The following RUBCN variants were observed in gnomAD, a reference collection of about 807,000 sequenced individuals.
RUBCN encodes the protein rubicon autophagy regulator.
In RUBCN, 74 loss-of-function variants were observed where a neutral mutation model predicts 113.2. The ratio of observed to expected loss-of-function variants is 0.65; its 90% confidence interval spans 0.54 to 0.79. The LOEUF (loss-of-function observed/expected upper bound fraction) is 0.79. Ranked by LOEUF, RUBCN falls within the 30% of genes least tolerant of loss-of-function variation. The pLI, the probability that RUBCN is intolerant of heterozygous loss-of-function variation, is 0.00. For missense variants in RUBCN, 1,109 were observed against 1,251.7 expected (o/e 0.89, Z 1.72); for synonymous variants, 480 against 490.0 (o/e 0.98, Z 0.27).
intron 2 of RUBCN, 119 bp downstream of exon 2, chr3:197,717,858 A>T: frequency 9.4e-7 from 1 of 1,060,090 alleles, no homozygotes; most frequent in Non-Finnish European, 1.4e-6. Context: ...AAATGAATTA[A>T]GTCACAGCTG....
rs58689965 is a variant in RUBCN at position 197,676,432 on chromosome 3, G to C, written c.2646+453C>G. The C allele has an allele frequency of 0.01, 7,015 of 686,636 alleles. 417 individuals carry two copies. The African/African-American group carries it at 0.13, about 12-fold the overall frequency. The allele number at this position is 686,636 out of a possible 1,614,324, so 42.5% of individuals were successfully genotyped here. On this transcript the variant is annotated intron_variant, in intron 18 of 19. Transcript: ENST00000296343. Reference sequence around the variant, plus strand: ...GGATTCAAGCAATTCTCCTGCCTCAGCCTCCCGAGTAGCTGGGATTACAGG... The same window carrying C: ...GGATTCAAGCAATTCTCCTGCCTCACCCTCCCGAGTAGCTGGGATTACAGG...
In RUBCN at chr3:197,681,959, TGAA is replaced by T; in HGVS notation, c.2127-63_2127-61del. On this transcript the variant is annotated intron_variant, in intron 14 of 19. Coordinates refer to ENST00000296343, the MANE Select transcript of RUBCN (RefSeq NM_014687.4). The surrounding 1 kb of genome is among the most constrained non-coding windows in gnomAD (Gnocchi z 5.5). Reference sequence around the variant, plus strand: ...GCAGCTGCGTGAGACCTTGGAGGTGTGAAGGAGTGAGCACACATACATACAGCT... The same window carrying T: ...GCAGCTGCGTGAGACCTTGGAGGTGTGGAGTGAGCACACATACATACAGCT... 7.7e-7 allele frequency: 1 copy of T among 1,296,246 alleles called. No homozygotes were observed. 80.3% of individuals were successfully genotyped at this position (1,296,246 alleles called of 1,614,324 possible). A position where few individuals can be genotyped will look rare whatever the true frequency, so the allele number is the denominator to read the frequency against.
chr3:197,744,897 G>A (rs368404694), intron 1 of RUBCN, among the ~76,000 whole-genome samples: 28 of 152,030 alleles, frequency 1.8e-4, no homozygotes, highest in Admixed American at 3.3e-4. Context: ...TCAGATTATC[G>A]TAGTGTTTTC....
rs1253559507 is a variant in RUBCN, at chr3:197,718,001, G to A, written c.195C>T (p.Leu65=). The change falls in exon 2 of 20, where the codon CTC becomes CTT. Residue 65 remains leucine, a synonymous_variant. Transcript: ENST00000296343. The part of the protein sequence containing the change: ...ERLCRDMQSI[L]YHGLIRDQAC... ...CCTGGTCACGGATAAGCCCGTGATA[G>A]AGGATGCTCTGCATGTCCCTGCAAA... 2.5e-6 allele frequency: 4 copies of A among 1,614,098 alleles called. No individual in the cohort carries two copies. The Admixed American group carries it at 5.0e-5, about 20-fold the overall frequency.
chr3:197,703,200 C>T (rs571760415), intron 5 of RUBCN, among the ~76,000 whole-genome samples: 7 of 151,686 alleles, frequency 4.6e-5, no homozygotes, highest in East Asian at 1.9e-4. Flanking sequence ...AGATCGAGAC[C>T]GTCCTGGCCA....
In RUBCN at chr3:197,674,851, T is replaced by C. The variant is rs1720154204; in HGVS notation, c.*167A>G. 1 of 580,632 alleles carries C rather than the reference T, an allele frequency of 1.7e-6. No homozygotes were observed. Among genetic ancestry groups the C allele is most frequent in the Non-Finnish European group, 2.8e-6 (1 of 353,786 alleles). The allele number at this position is 580,632 out of a possible 1,614,324, so 36.0% of individuals were successfully genotyped here. ...CTGGACCCATCAACCTGCCGACGGC[T>C]GACTGCACACAGACGTCAGACAAGT... On this transcript the variant is annotated 3_prime_UTR_variant, in exon 20 of 20. Coordinates refer to ENST00000296343, the MANE Select transcript of RUBCN (RefSeq NM_014687.4).
At chr3:197,734,964 A>G (rs1727953454) in intron 1 of RUBCN, among the ~76,000 whole-genome samples, 1 of 152,256 alleles carries the variant, frequency 6.6e-6, no homozygotes, top group Non-Finnish European at 1.5e-5. Flanking sequence ...CACCCTTAAA[A>G]ATAGCAAGTC....
intron 16 of RUBCN, among the ~76,000 whole-genome samples, chr3:197,678,073 T>A (rs371797679): frequency 7.8e-4 from 102 of 130,616 alleles, no homozygotes; most frequent in Non-Finnish European, 7.7e-4. Context: ...ACCTGGCTTC[T>A]GACTGTCCCA....
At chr3:197,690,800 G>C (rs1722339930) in intron 11 of RUBCN, among the ~76,000 whole-genome samples, 1 of 152,152 alleles carries the variant, frequency 6.6e-6, no homozygotes, top group African/African-American at 2.4e-5. Flanking sequence ...CAGTCACAAT[G>C]GCCACTAAAT....
At chr3:197,725,520 C>CTTTTTTTTTTTTTTTTTT (rs10718685) in intron 1 of RUBCN, among the ~76,000 whole-genome samples, 1 of 75,316 alleles carries the variant, frequency 1.3e-5, no homozygotes, top group Non-Finnish European at 2.4e-5. Context: ...ACAGGAGAAT[C>CTTTTTTTTTTTTTTTTTT]TTTTTTTTTT....
In RUBCN at chr3:197,683,866, C is replaced by A. The variant is rs1721538288; in HGVS notation, c.1847+291G>T. Among the ~76,000 whole-genome samples the A allele has an allele frequency of 6.6e-6, 1 of 152,156 alleles. No individual in the cohort carries two copies. Among genetic ancestry groups the A allele is most frequent in the Non-Finnish European group, 1.5e-5 (1 of 68,024 alleles). ...TTCAATTTGATTTCATAACCAAAAA[C>A]CATCATCACTGCTCTCTTTTGAGAC... On this transcript the variant is annotated intron_variant, in intron 12 of 19. Coordinates refer to ENST00000296343, the MANE Select transcript of RUBCN (RefSeq NM_014687.4). The surrounding 1 kb of genome is among the most constrained non-coding windows in gnomAD (Gnocchi z 4.6).
rs1720461239 is a variant in RUBCN, at chr3:197,676,613, A to G, written c.2646+272T>C. The stretch of plus-strand genomic sequence containing the variant: ...GAGGCCTAAGCCACCGTGCCTGGCC[A>G]ACACTTCTTGAGTGAAAGTCTACTC... On this transcript the variant is annotated intron_variant, in intron 18 of 19. Coordinates refer to ENST00000296343, the MANE Select transcript of RUBCN (RefSeq NM_014687.4). 2.3e-6 allele frequency: 3 copies of G among 1,332,304 alleles called. No homozygotes were observed. The East Asian group carries it at 9.9e-5, about 44-fold the overall frequency. 82.5% of individuals were successfully genotyped at this position (1,332,304 alleles called of 1,614,324 possible). A position where few individuals can be genotyped will look rare whatever the true frequency, so the allele number is the denominator to read the frequency against.
chr3:197,691,059 T>G (rs1239117244), intron 11 of RUBCN: 1 of 1,281,778 alleles, frequency 7.8e-7, no homozygotes, highest in Admixed American at 2.3e-5. Context: ...CATCCACGCT[T>G]GCAAAGTAGG....
chr3:197,733,166 C>T (rs952038260), intron 1 of RUBCN, among the ~76,000 whole-genome samples: 2 of 152,154 alleles, frequency 1.3e-5, no homozygotes, highest in Non-Finnish European at 2.9e-5. Flanking sequence ...AAAGTTTCAT[C>T]CTTCATTTTT....
chr3:197,736,524 A>G (rs957617103), intron 1 of RUBCN, 131 bp downstream of exon 1: 6 of 818,318 alleles, frequency 7.3e-6, no homozygotes, highest in Non-Finnish European at 1.2e-5. Flanking sequence ...CTTCCCAAAC[A>G]AGTCCTCCGC....
At chr3:197,722,113 C>A (rs1248796088) in intron 1 of RUBCN, among the ~76,000 whole-genome samples, 1 of 151,736 alleles carries the variant, frequency 6.6e-6, no homozygotes, top group East Asian at 1.9e-4. Context: ...TGTGGTGGTG[C>A]GTGCATGTAA....
chr3:197,708,438 T>C (rs1352736497), intron 2 of RUBCN, among the ~76,000 whole-genome samples: 1 of 151,174 alleles, frequency 6.6e-6, no homozygotes, highest in Non-Finnish European at 1.5e-5. Context: ...ACCCGGCCTA[T>C]ATGTAAACAA....
chr3:197,727,787 C>A (rs1324047312), intron 1 of RUBCN, among the ~76,000 whole-genome samples: 1 of 152,218 alleles, frequency 6.6e-6, no homozygotes, highest in Non-Finnish European at 1.5e-5. Context: ...AGGCTGATTT[C>A]ATGAGACATA....
In RUBCN at chr3:197,674,536, A is replaced by G. The variant is rs780531491; in HGVS notation, c.*482T>C. 1.9e-6 allele frequency: 1 copy of G among 519,050 alleles called. No homozygotes were observed. Among genetic ancestry groups the G allele is most frequent in the Non-Finnish European group, 4.0e-6 (1 of 252,716 alleles). 32.2% of individuals were successfully genotyped at this position (519,050 alleles called of 1,614,324 possible). A position where few individuals can be genotyped will look rare whatever the true frequency, so the allele number is the denominator to read the frequency against. On this transcript the variant is annotated 3_prime_UTR_variant, in exon 20 of 20. Coordinates refer to ENST00000296343, the MANE Select transcript of RUBCN (RefSeq NM_014687.4). ...TCTCTGCTGCTTCTCCTCGGGGCAC[A>G]GTCTGACCCCAGTCCAGGACAGGGA...
Sources: gnomAD v4.1 joint callset for allele counts (sites outside exome capture counted in the v4.1 genomes callset) on GRCh38, gnomAD v4.1.1 for gene constraint, Gnocchi (gnomAD v3.1) non-coding constraint, MANE v1.5 for transcripts, NCBI Gene and HGNC (gene_info 2026-07-23, HGNC 2026-07-21) for gene names.